The following ANKRD30B variants were observed in gnomAD, a reference collection of about 807,000 sequenced individuals.
The protein encoded by ANKRD30B is ankyrin repeat domain 30B.
A neutral mutation model predicts 202.2 loss-of-function variants in ANKRD30B; 144 were observed. The ratio of observed to expected loss-of-function variants is 0.71; its 90% confidence interval spans 0.62 to 0.82. The LOEUF (loss-of-function observed/expected upper bound fraction) is 0.82. ANKRD30B is among the 40% of genes least tolerant of loss of function. The probability of loss-of-function intolerance (pLI) is 0.00; values close to 1 mark genes in which losing one functional copy is unlikely to be tolerated. For synonymous variants in ANKRD30B, 508 were observed against 561.3 expected (o/e 0.91, Z 1.34); for missense variants, 1,487 against 1,669.1 (o/e 0.89, Z 1.90).
chr18:14,824,033 A>C (rs1412103869), intron 32 of ANKRD30B, among the ~76,000 whole-genome samples: 2 of 152,194 alleles, frequency 1.3e-5, no homozygotes, highest in Non-Finnish European at 2.9e-5. Flanking sequence ...GTGGTTCTAG[A>C]CTATGTCTAG....
chr18:14,763,565 G>A (rs747041283), intron 6 of ANKRD30B, 121 bp from the exon 7 acceptor site: 69 of 1,398,692 alleles, frequency 4.9e-5, no homozygotes, highest in Non-Finnish European at 6.2e-5. Context: ...AGAGAAGAGA[G>A]AAAAGAAAAG....
intron 4 of ANKRD30B, 63 bp from the exon 5 acceptor site, chr18:14,757,752 T>A: frequency 1.3e-6 from 2 of 1,543,842 alleles, no homozygotes. Context: ...TGGTTAATTC[T>A]ACACTGATAG....
rs56044501 is a variant in ANKRD30B, at chr18:14,843,553, CTGTGTGTGTGTG to C, written c.3181+486_3181+497del. Among the ~76,000 whole-genome samples, 1,252 of 145,256 alleles carry C rather than the reference CTGTGTGTGTGTG, an allele frequency of 8.6e-3. 11 individuals are homozygous for C. The highest frequency in any genetic ancestry group is 0.017 in the African/African-American group (655 of 39,392). On this transcript the variant is annotated intron_variant, in intron 39 of 43. Coordinates refer to ENST00000690538, the MANE Select transcript of ANKRD30B (RefSeq NM_001367607.2). ...TCTGTTGTTCTGATTAGCTTACTTT[CTGTGTGTGTGTG>C]TGTGTGTGTGTGTGTGTGTGTGTGT...
chr18:14,838,861 A>AT (rs1268588706), intron 36 of ANKRD30B, among the ~76,000 whole-genome samples: 3 of 152,248 alleles, frequency 2.0e-5, no homozygotes, highest in Non-Finnish European at 4.4e-5. Flanking sequence ...ATGTGAAAAC[A>AT]TTTTTTAAAC....
the ANKRD30B span, among the ~76,000 whole-genome samples, chr18:14,882,005 TTAA>T: frequency 6.6e-6 from 1 of 152,254 alleles, no homozygotes; most frequent in South Asian, 2.1e-4. Flanking sequence ...CTTTTCTTGG[TTAA>T]TCTTGCTAAT....
At chr18:14,924,741 G>C in the ANKRD30B span, among the ~76,000 whole-genome samples, 110 of 152,320 alleles carry the variant, frequency 7.2e-4, 1 homozygote, top group East Asian at 0.017. Context: ...GGCTGTCTCT[G>C]CATCAGTGTC....
At chr18:14,824,305 C>T (rs1276745782) in intron 32 of ANKRD30B, among the ~76,000 whole-genome samples, 1 of 152,126 alleles carries the variant, frequency 6.6e-6, no homozygotes, top group East Asian at 1.9e-4. Context: ...ACTGCTTCAA[C>T]TAATATTAGA....
intron 30 of ANKRD30B, among the ~76,000 whole-genome samples, chr18:14,817,541 A>G (rs533569674): frequency 2.2e-4 from 33 of 152,272 alleles, no homozygotes; most frequent in African/African-American, 7.9e-4. Flanking sequence ...ATAGCTCTGA[A>G]TGTTTCATCT....
At chr18:14,776,701 T>A (rs1169538541) in intron 9 of ANKRD30B, among the ~76,000 whole-genome samples, 3 of 152,238 alleles carry the variant, frequency 2.0e-5, no homozygotes, top group Non-Finnish European at 4.4e-5. Flanking sequence ...TTTTCTCTTT[T>A]TATGAAGGCT....
the ANKRD30B span, among the ~76,000 whole-genome samples, chr18:14,920,278 T>G: frequency 6.6e-6 from 1 of 152,242 alleles, no homozygotes; most frequent in Non-Finnish European, 1.5e-5. Context: ...ACATCTAAGC[T>G]TGGCTTCTTG....
chr18:14,858,764 G>A (rs1273551917), downstream of ANKRD30B, among the ~76,000 whole-genome samples: 1 of 142,050 alleles, frequency 7.0e-6, no homozygotes, highest in Non-Finnish European at 1.6e-5. Context: ...CCCAGGGGGG[G>A]CAGCCAGGCA....
At chr18:14,793,888 C>T (rs572483084) in intron 16 of ANKRD30B, among the ~76,000 whole-genome samples, 38 of 149,242 alleles carry the variant, frequency 2.5e-4, no homozygotes, top group Admixed American at 1.1e-3. Flanking sequence ...GGCGAGACAC[C>T]GACAAAAGAA....
chr18:14,897,241 C>T, the ANKRD30B span, among the ~76,000 whole-genome samples: 1 of 152,150 alleles, frequency 6.6e-6, no homozygotes, highest in African/African-American at 2.4e-5. Context: ...GAAAAAGAGT[C>T]AGGGCCAAAT....
At chr18:14,755,698 C>A (rs1269264583) in intron 4 of ANKRD30B, among the ~76,000 whole-genome samples, 2 of 152,158 alleles carry the variant, frequency 1.3e-5, no homozygotes, top group Non-Finnish European at 2.9e-5. Flanking sequence ...ATGATAGTTT[C>A]CAGCTTCATC....
At chr18:14,789,126 G>T (rs1968292876) in intron 15 of ANKRD30B, among the ~76,000 whole-genome samples, 1 of 152,064 alleles carries the variant, frequency 6.6e-6, no homozygotes, top group African/African-American at 2.4e-5. Context: ...GATTTGATTT[G>T]CATTTCTCTG....
intron 9 of ANKRD30B, among the ~76,000 whole-genome samples, chr18:14,772,936 C>G (rs139369910): frequency 6.6e-6 from 1 of 152,040 alleles, no homozygotes; most frequent in South Asian, 2.1e-4. Flanking sequence ...GGGCACATAG[C>G]GAGACCTTAT....
the ANKRD30B span, among the ~76,000 whole-genome samples, chr18:14,930,160 C>T: frequency 5.3e-5 from 8 of 152,130 alleles, no homozygotes; most frequent in Non-Finnish European, 1.0e-4. Flanking sequence ...GACACTGGCT[C>T]GCCAGGTGGG....
chr18:14,784,377 A>C lies in ANKRD30B; in HGVS notation c.1599+13A>C. 6 of 1,612,766 alleles carry C rather than the reference A, an allele frequency of 3.7e-6. No individual in the cohort carries two copies. In the East Asian group the frequency reaches 1.3e-4, roughly 36 times the overall value. Reference sequence around the variant, plus strand: ...ATCTGCCTTCAAGGTATTTAGTTTTATGGTTTCATTTTGAATGACTTATTA... The same window carrying C: ...ATCTGCCTTCAAGGTATTTAGTTTTCTGGTTTCATTTTGAATGACTTATTA... On this transcript the variant is annotated intron_variant, in intron 13 of 43. Coordinates refer to ENST00000690538, the MANE Select transcript of ANKRD30B (RefSeq NM_001367607.2).
the ANKRD30B span, among the ~76,000 whole-genome samples, chr18:14,900,907 G>A: frequency 6.6e-6 from 1 of 152,272 alleles, no homozygotes; most frequent in South Asian, 2.1e-4. Context: ...TGTTTTTGTG[G>A]AGCAGAGTTC....
Sources: gnomAD v4.1 joint callset for allele counts (sites outside exome capture counted in the v4.1 genomes callset) on GRCh38, gnomAD v4.1.1 for gene constraint, MANE v1.5 for transcripts, NCBI Gene and HGNC (gene_info 2026-07-23, HGNC 2026-07-21) for gene names.